VWC2: variants seen among roughly 807,000 people sequenced by gnomAD.
The protein encoded by VWC2 is von Willebrand factor C domain containing 2, also known as brorin.
In VWC2, 14 loss-of-function variants were observed where a neutral mutation model predicts 29.8. The ratio of observed to expected loss-of-function variants is 0.47; its 90% CI spans 0.31 to 0.74. The LOEUF is 0.74. Among genes scored for constraint, VWC2 ranks in the 30% least tolerant of loss-of-function variants. The pLI, the probability that VWC2 is intolerant of heterozygous loss-of-function variation, is 0.05. For missense variants in VWC2, 457 were observed against 459.8 expected (o/e 0.99, Z 0.05); for synonymous variants, 213 against 199.0 (o/e 1.07, Z -0.59).
At chr7:49,788,946 T>A (rs1350796018) in intron 2 of VWC2, among the ~76,000 whole-genome samples, 1 of 142,638 alleles carries the variant, frequency 7.0e-6, no homozygotes, top group Non-Finnish European at 1.5e-5. Flanking sequence ...AATATGAGTG[T>A]GGGTGCATGT....
At chr7:49,871,585 C>T (rs565938644) in intron 3 of VWC2, among the ~76,000 whole-genome samples, 1 of 151,840 alleles carries the variant, frequency 6.6e-6, no homozygotes, top group African/African-American at 2.4e-5. Context: ...ATTTTTCCTA[C>T]AAGAAGCATT....
intron 3 of VWC2, among the ~76,000 whole-genome samples, chr7:49,834,828 T>G (rs1053034780): frequency 2.6e-5 from 4 of 152,186 alleles, no homozygotes; most frequent in African/African-American, 7.2e-5. Context: ...AATTTGGCTG[T>G]AAATGCTTGT....
chr7:49,807,985 A>G (rs746934997), intron 3 of VWC2, among the ~76,000 whole-genome samples: 1 of 152,192 alleles, frequency 6.6e-6, no homozygotes, highest in East Asian at 1.9e-4. Context: ...CATTTTCCCA[A>G]TTCCTCTGGT....
chr7:49,891,925 C>G (rs1018975942), intron 3 of VWC2, among the ~76,000 whole-genome samples: 41 of 149,454 alleles, frequency 2.7e-4, no homozygotes, highest in Admixed American at 1.7e-3. Context: ...AAATGTCTAT[C>G]AAGAGTAGTA....
intron 2 of VWC2, among the ~76,000 whole-genome samples, chr7:49,796,002 G>A (rs796078228): frequency 1.3e-5 from 2 of 152,136 alleles, no homozygotes; most frequent in Admixed American, 6.5e-5. Flanking sequence ...CAGATAGGGG[G>A]TAGGGGCCCC....
At chr7:49,853,905 C>G (rs1183334957) in intron 3 of VWC2, among the ~76,000 whole-genome samples, 7 of 146,826 alleles carry the variant, frequency 4.8e-5, no homozygotes, top group Non-Finnish European at 1.0e-4. Context: ...TGATGTTCCC[C>G]TTCCTGTGTC....
chr7:49,858,708 TAA>T (rs150250284), intron 3 of VWC2, among the ~76,000 whole-genome samples: 1 of 151,518 alleles, frequency 6.6e-6, no homozygotes, highest in African/African-American at 2.4e-5. Flanking sequence ...ATAATAATAA[TAA>T]AAAAAAGAAA....
In VWC2 at chr7:49,818,508, T is replaced by C. The variant is rs139286589; in HGVS notation, c.826+15668T>C. On this transcript the variant is annotated intron_variant, in intron 3 of 3. Transcript: ENST00000340652. ...ACTGAAAACATTCATCCTTTATTCC[T>C]TGAAGACCCTTGAGAGAAGGTGCTG... Among the ~76,000 whole-genome samples the C allele has an allele frequency of 1.5e-3, 229 of 152,166 alleles. 2 individuals are homozygous for C. Among genetic ancestry groups the C allele is most frequent in the African/African-American group, 4.9e-3 (205 of 41,508 alleles).
chr7:49,846,105 C>T (rs1050395440), intron 3 of VWC2, among the ~76,000 whole-genome samples: 3 of 152,134 alleles, frequency 2.0e-5, no homozygotes, highest in Non-Finnish European at 4.4e-5. Flanking sequence ...TATCACATTG[C>T]TTCTTTAGAG....
chr7:49,918,634 GAAGTA>G lies in VWC2; in HGVS notation c.*6452_*6456del, dbSNP rs1353492597. On this transcript the variant is annotated 3_prime_UTR_variant, in exon 4 of 4. Transcript: ENST00000340652. ...TGACCCAGTTTTTCTGGAGCCAAGA[GAAGTA>G]AACTGCCATTTATTAGGTGATGATT... 6.6e-6 allele frequency: 1 copy of G among 152,192 alleles called. No individual in the cohort carries two copies. The highest frequency in any genetic ancestry group is 2.4e-5 in the African/African-American group (1 of 41,452). The allele number at this position is 152,192 out of a possible 1,614,324, so 9.4% of individuals were successfully genotyped here. A position where few individuals can be genotyped will look rare whatever the true frequency, so the allele number is the denominator to read the frequency against.
At chr7:49,812,775 A>G (rs931096019) in intron 3 of VWC2, among the ~76,000 whole-genome samples, 4 of 152,170 alleles carry the variant, frequency 2.6e-5, no homozygotes, top group African/African-American at 9.7e-5. Context: ...TTATTTGGGC[A>G]TAGTCTGATC....
chr7:49,819,369 C>T (rs1789216088), intron 3 of VWC2, among the ~76,000 whole-genome samples: 1 of 152,212 alleles, frequency 6.6e-6, no homozygotes. Context: ...TCTTGGGTGA[C>T]ATGACTCCTA....
intron 3 of VWC2, among the ~76,000 whole-genome samples, chr7:49,839,097 G>A (rs2128712990): frequency 6.6e-6 from 1 of 152,228 alleles, no homozygotes; most frequent in African/African-American, 2.4e-5. Context: ...GTGATGTGAG[G>A]ACACAGTGAG....
intron 3 of VWC2, among the ~76,000 whole-genome samples, chr7:49,869,149 C>T (rs972295300): frequency 2.6e-5 from 4 of 151,930 alleles, no homozygotes; most frequent in Admixed American, 1.3e-4. Context: ...TGCTTAAACA[C>T]TACAGTAAGG....
Position 49,916,620 on chromosome 7 carries a change from T to C in VWC2, c.*4435T>C, listed in dbSNP as rs1243801537. 2.0e-5 allele frequency: 3 copies of C among 152,238 alleles called. No individual in the cohort carries two copies. The highest frequency in any genetic ancestry group is 7.2e-5 in the African/African-American group (3 of 41,456). The allele number at this position is 152,238 out of a possible 1,614,324, so 9.4% of individuals were successfully genotyped here. A position where few individuals can be genotyped will look rare whatever the true frequency, so the allele number is the denominator to read the frequency against. On this transcript the variant is annotated 3_prime_UTR_variant, in exon 4 of 4. Transcript: ENST00000340652. ...CCCTTTAGTTTGGGCTGTGAAATAT[T>C]CAATTCCCAAAACATCACCCAATAT...
intron 2 of VWC2, among the ~76,000 whole-genome samples, chr7:49,800,227 A>G (rs1788707569): frequency 6.6e-6 from 1 of 152,188 alleles, no homozygotes; most frequent in African/African-American, 2.4e-5. Context: ...CCATTTGCCA[A>G]GGTGTGCACC....
intron 3 of VWC2, among the ~76,000 whole-genome samples, chr7:49,836,159 AATATTTTAGGCAGATAC>A (rs371726388): frequency 2.0e-5 from 3 of 152,212 alleles, no homozygotes; most frequent in African/African-American, 7.2e-5. Context: ...ATTTGGATAG[AATATTTTAGGCAGATAC>A]ATTCAATCAA....
intron 2 of VWC2, among the ~76,000 whole-genome samples, chr7:49,793,174 T>C (rs1208181011): frequency 6.6e-6 from 1 of 152,202 alleles, no homozygotes; most frequent in Non-Finnish European, 1.5e-5. Context: ...TTTCCTGGCA[T>C]TTTTCAGGTA....
At chr7:49,832,279 T>G (rs1486029615) in intron 3 of VWC2, among the ~76,000 whole-genome samples, 3 of 152,138 alleles carry the variant, frequency 2.0e-5, no homozygotes, top group Admixed American at 6.5e-5. Context: ...TATAAGAAAT[T>G]TTGTTTAAAG....
Sources: gnomAD v4.1 joint callset for allele counts (sites outside exome capture counted in the v4.1 genomes callset) on GRCh38, gnomAD v4.1.1 for gene constraint, MANE v1.5 for transcripts, NCBI Gene and HGNC (gene_info 2026-07-23, HGNC 2026-07-21) for gene names.